The following SGCZ variants were observed in gnomAD, a reference collection of about 807,000 sequenced individuals.
SGCZ encodes the protein sarcoglycan zeta, also known as zeta-sarcoglycan.
Under a neutral mutation model 41.3 loss-of-function variants are expected in SGCZ, and 40 were observed. The ratio of observed to expected loss-of-function variants is 0.97; its 90% CI spans 0.75 to 1.26. The LOEUF is 1.26. Among genes scored for constraint, SGCZ ranks in the 50% most tolerant of loss-of-function variants. SGCZ has a pLI of 0.00. For synonymous variants in SGCZ, 206 were observed against 137.5 expected (o/e 1.50, Z -3.49); for missense variants, 552 against 369.8 (o/e 1.49, Z -4.04).
chr8:14,190,613 G>A (rs1338044348), intron 4 of SGCZ, among the ~76,000 whole-genome samples: 1 of 151,266 alleles, frequency 6.6e-6, no homozygotes, highest in Non-Finnish European at 1.5e-5. Context: ...TTCTTTTTTT[G>A]TTTTTTTGAG....
chr8:14,883,776 GTTTT>G (rs1233614779), intron 1 of SGCZ, among the ~76,000 whole-genome samples: 5,171 of 85,970 alleles, frequency 0.06, 125 homozygotes, highest in Middle Eastern at 0.094. Context: ...GCATCCTGTT[GTTTT>G]TTTTTTTTTT....
intron 1 of SGCZ, among the ~76,000 whole-genome samples, chr8:14,583,982 T>G (rs1054147449): frequency 6.6e-6 from 1 of 152,172 alleles, no homozygotes; most frequent in Non-Finnish European, 1.5e-5. Flanking sequence ...ATTGTGGTTT[T>G]GTTTTGTTTT....
intron 6 of SGCZ, among the ~76,000 whole-genome samples, chr8:14,107,138 C>A (rs138738208): frequency 0.011 from 1,608 of 152,020 alleles, 30 homozygotes; most frequent in African/African-American, 0.036. Context: ...ATGGCGTGAA[C>A]CTGCGAGGCG....
intron 1 of SGCZ, among the ~76,000 whole-genome samples, chr8:14,696,087 T>C (rs1244814096): frequency 1.3e-5 from 2 of 152,112 alleles, no homozygotes; most frequent in South Asian, 2.1e-4. Context: ...ATTCATACAG[T>C]TGTATTTCGG....
intron 1 of SGCZ, among the ~76,000 whole-genome samples, chr8:14,758,427 C>G (rs1008960573): frequency 3.9e-5 from 6 of 152,068 alleles, no homozygotes; most frequent in African/African-American, 1.4e-4. Context: ...TCGTTCTTCC[C>G]TCTCCTCCAA....
intron 7 of SGCZ, among the ~76,000 whole-genome samples, chr8:14,096,756 C>G (rs1245040693): frequency 6.6e-6 from 1 of 152,026 alleles, no homozygotes; most frequent in Non-Finnish European, 1.5e-5. Context: ...GGTTGGTAGG[C>G]TATTAATTAT....
chr8:14,693,768 T>G (rs553209503), intron 1 of SGCZ, among the ~76,000 whole-genome samples: 5 of 151,612 alleles, frequency 3.3e-5, no homozygotes, highest in African/African-American at 7.3e-5. Flanking sequence ...TTTTTTGTAT[T>G]TTTAGTAGGG....
chr8:15,061,844 C>G (rs990355791), intron 1 of SGCZ, among the ~76,000 whole-genome samples: 17 of 152,182 alleles, frequency 1.1e-4, no homozygotes, highest in Non-Finnish European at 2.9e-5. Flanking sequence ...CAGACTAAGA[C>G]ACCACCCTAC....
chr8:14,232,618 A>ATTT (rs1464723685), intron 4 of SGCZ, among the ~76,000 whole-genome samples: 3 of 151,892 alleles, frequency 2.0e-5, no homozygotes, highest in Admixed American at 6.6e-5. Context: ...TATTATTATT[A>ATTT]TATTTTAAGT....
chr8:14,380,268 T>C (rs1009675434), intron 2 of SGCZ, among the ~76,000 whole-genome samples: 1 of 152,194 alleles, frequency 6.6e-6, no homozygotes, highest in Non-Finnish European at 1.5e-5. Context: ...TCACATCCAT[T>C]GATGTTTTCC....
chr8:14,856,041 A>T (rs546097415), intron 1 of SGCZ, among the ~76,000 whole-genome samples: 4 of 152,318 alleles, frequency 2.6e-5, no homozygotes, highest in African/African-American at 4.8e-5. Flanking sequence ...CTTTTAATTG[A>T]CGTTTATAAC....
intron 1 of SGCZ, among the ~76,000 whole-genome samples, chr8:14,923,230 G>A (rs1416384805): frequency 2.6e-5 from 4 of 152,304 alleles, no homozygotes; most frequent in Middle Eastern, 3.4e-3. Context: ...ACATTGGCCA[G>A]TGTAGGCAGC....
chr8:14,885,777 T>C (rs1804763620), intron 1 of SGCZ, among the ~76,000 whole-genome samples: 1 of 151,842 alleles, frequency 6.6e-6, no homozygotes, highest in Non-Finnish European at 1.5e-5. Flanking sequence ...TTAAAAATAA[T>C]TGCAGAATCT....
chr8:14,294,841 T>C (rs1380942250), intron 3 of SGCZ, among the ~76,000 whole-genome samples: 1 of 151,902 alleles, frequency 6.6e-6, no homozygotes, highest in Non-Finnish European at 1.5e-5. Flanking sequence ...AAAATGCAAA[T>C]TAAAACTACA....
At chr8:14,703,171 T>C (rs1333047299) in intron 1 of SGCZ, among the ~76,000 whole-genome samples, 1 of 151,932 alleles carries the variant, frequency 6.6e-6, no homozygotes, top group Non-Finnish European at 1.5e-5. Context: ...TGGCTTCCTA[T>C]CACAATGAAA....
intron 2 of SGCZ, among the ~76,000 whole-genome samples, chr8:14,489,008 T>C (rs2117023856): frequency 6.8e-6 from 1 of 147,880 alleles, no homozygotes; most frequent in East Asian, 2.0e-4. Flanking sequence ...TATATGTATA[T>C]ATATAATATA....
chr8:15,177,099 A>G (rs1800022559), intron 1 of SGCZ, among the ~76,000 whole-genome samples: 1 of 152,268 alleles, frequency 6.6e-6, no homozygotes, highest in Non-Finnish European at 1.5e-5. Flanking sequence ...GAAATTGTAG[A>G]TAATTTATTT....
At chr8:14,829,474 C>T (rs916947553) in intron 1 of SGCZ, among the ~76,000 whole-genome samples, 3 of 151,852 alleles carry the variant, frequency 2.0e-5, no homozygotes, top group African/African-American at 4.8e-5. Context: ...CTTGAAGTCC[C>T]CTTGTAAGTA....
intron 2 of SGCZ, among the ~76,000 whole-genome samples, chr8:14,454,339 A>T (rs1004961572): frequency 6.6e-6 from 1 of 152,196 alleles, no homozygotes; most frequent in Non-Finnish European, 1.5e-5. Flanking sequence ...CACGGGAAAC[A>T]TGCTACCTTA....
Sources: allele counts gnomAD v4.1 joint callset (sites outside exome capture counted in the v4.1 genomes callset), GRCh38; gene constraint gnomAD v4.1.1; transcripts MANE v1.5; gene names NCBI Gene and HGNC (gene_info 2026-07-23, HGNC 2026-07-21).